Variants in SOX5 observed in about 807,000 individuals in gnomAD.
The protein encoded by SOX5 is SRY-box transcription factor 5.
A neutral mutation model predicts 92.0 loss-of-function variants in SOX5; 9 were observed. The ratio of observed to expected loss-of-function variants is 0.10; its 90% CI spans 0.06 to 0.17. The LOEUF is 0.17. SOX5 is among the 10% of genes least tolerant of loss of function. The pLI, the probability that SOX5 is intolerant of heterozygous loss-of-function variation, is 1.00. For synonymous variants in SOX5, 344 were observed against 336.3 expected (o/e 1.02, Z -0.25); for missense variants, 642 against 944.5 (o/e 0.68, Z 4.20).
intron 1 of SOX5, among the ~76,000 whole-genome samples, chr12:24,412,502 T>C (rs768504364): frequency 6.6e-6 from 1 of 152,158 alleles, no homozygotes; most frequent in Admixed American, 6.5e-5. Context: ...TTCAGTTCAA[T>C]ATATTTATGT....
At chr12:24,538,114 C>T (rs1274286999) in intron 1 of SOX5, among the ~76,000 whole-genome samples, 2 of 152,166 alleles carry the variant, frequency 1.3e-5, no homozygotes, top group African/African-American at 2.4e-5. Context: ...ACATTGCAGT[C>T]GCTGCCCTGA....
intron 4 of SOX5, among the ~76,000 whole-genome samples, chr12:24,210,761 T>C (rs1958521832): frequency 1.3e-5 from 2 of 152,240 alleles, no homozygotes; most frequent in Non-Finnish European, 2.9e-5. Context: ...AGGATAGCTG[T>C]ATTATCTAAC....
At chr12:23,889,908 T>G (rs1333033134) in intron 2 of SOX5, among the ~76,000 whole-genome samples, 1 of 152,140 alleles carries the variant, frequency 6.6e-6, no homozygotes, top group Admixed American at 6.6e-5. Context: ...AATTAGATAC[T>G]AGTAACATAT....
At chr12:24,268,082 T>C (rs1383311645) in intron 3 of SOX5, among the ~76,000 whole-genome samples, 1 of 152,196 alleles carries the variant, frequency 6.6e-6, no homozygotes. Flanking sequence ...GCATTTCTAC[T>C]GAGATGGCAT....
intron 1 of SOX5, among the ~76,000 whole-genome samples, chr12:24,456,541 C>T (rs1943039733): frequency 6.6e-6 from 1 of 152,156 alleles, no homozygotes; most frequent in South Asian, 2.1e-4. Context: ...AGGATCTTCA[C>T]ATGTTATCTT....
At chr12:24,111,291 G>A (rs1320065892) in intron 4 of SOX5, among the ~76,000 whole-genome samples, 2 of 152,066 alleles carry the variant, frequency 1.3e-5, no homozygotes, top group Admixed American at 6.5e-5. Flanking sequence ...ACCTGTCAAA[G>A]GGCAAAGATG....
intron 1 of SOX5, among the ~76,000 whole-genome samples, chr12:24,549,549 G>C (rs1952950900): frequency 6.6e-6 from 1 of 152,206 alleles, no homozygotes; most frequent in Non-Finnish European, 1.5e-5. Flanking sequence ...GACAGGGCCA[G>C]GTGTCAGAAG....
chr12:23,623,266 T>G (rs1016275523), intron 8 of SOX5, among the ~76,000 whole-genome samples: 2 of 152,154 alleles, frequency 1.3e-5, no homozygotes, highest in African/African-American at 4.8e-5. Context: ...CATAAAGCAT[T>G]TAAGTATTAT....
At chr12:24,278,268 T>G (rs1304868816) in intron 2 of SOX5, among the ~76,000 whole-genome samples, 5 of 152,298 alleles carry the variant, frequency 3.3e-5, no homozygotes, top group African/African-American at 1.2e-4. Context: ...ATAGAAGCAT[T>G]TTACTCCATT....
chr12:24,367,075 T>C lies in SOX5; in HGVS notation c.-174+1488A>G, dbSNP rs755102675. Among the ~76,000 whole-genome samples, 45 of 152,202 alleles carry C rather than the reference T, an allele frequency of 3.0e-4. 1 individual carries two copies. The highest frequency in any genetic ancestry group is 8.8e-5 in the Non-Finnish European group (6 of 68,012). On this transcript the variant is annotated intron_variant, in intron 2 of 4. Coordinates refer to the SOX5 transcript ENST00000446891. ...AAAATCCATTTTGCTTAAGTATCTT[T>C]AGCAGATATTAGTAGGAAATAATTT... is the stretch of plus-strand genomic sequence containing the variant.
At chr12:24,321,381 A>T (rs1274997608) in intron 2 of SOX5, among the ~76,000 whole-genome samples, 2 of 152,242 alleles carry the variant, frequency 1.3e-5, no homozygotes, top group African/African-American at 4.8e-5. Context: ...CAAATTTTTA[A>T]AACTAAACAT....
chr12:24,171,904 A>G (rs1361372654), intron 4 of SOX5, among the ~76,000 whole-genome samples: 1 of 152,130 alleles, frequency 6.6e-6, no homozygotes, highest in East Asian at 1.9e-4. Context: ...ATTTTCACAG[A>G]GAAAGTGGCA....
At chr12:24,137,456 C>A (rs1272892194) in intron 4 of SOX5, among the ~76,000 whole-genome samples, 4 of 152,050 alleles carry the variant, frequency 2.6e-5, no homozygotes, top group African/African-American at 9.7e-5. Context: ...TGTGATGAAA[C>A]CCCGTCTCTA....
intron 14 of SOX5, among the ~76,000 whole-genome samples, chr12:23,535,782 AAACT>A (rs1940275424): frequency 6.6e-6 from 1 of 152,330 alleles, no homozygotes; most frequent in African/African-American, 2.4e-5. Context: ...AAGCTCTTAG[AAACT>A]AACTTCTGTT....
intron 2 of SOX5, among the ~76,000 whole-genome samples, chr12:24,294,053 C>T (rs1300647452): frequency 6.6e-6 from 1 of 152,188 alleles, no homozygotes; most frequent in Admixed American, 6.5e-5. Flanking sequence ...GAAGTCGCTG[C>T]TGCAAAAGCA....
chr12:24,101,639 G>A (rs1033198943), intron 4 of SOX5, among the ~76,000 whole-genome samples: 4 of 152,012 alleles, frequency 2.6e-5, no homozygotes, highest in Admixed American at 1.3e-4. Context: ...TTCACCAGCA[G>A]AAAAAATAAG....
chr12:24,389,046 G>A (rs1958707133), intron 1 of SOX5, among the ~76,000 whole-genome samples: 1 of 152,004 alleles, frequency 6.6e-6, no homozygotes, highest in African/African-American at 2.4e-5. Context: ...ATGCTGGTGT[G>A]CTGCACCCAT....
At chr12:23,695,940 CAA>C (rs71059917) in intron 6 of SOX5, among the ~76,000 whole-genome samples, 258 of 11,824 alleles carry the variant, frequency 0.022, no homozygotes, top group African/African-American at 0.068. Flanking sequence ...GACTCTGTCT[CAA>C]AAAAAAAAAA....
intron 1 of SOX5, among the ~76,000 whole-genome samples, chr12:24,523,888 C>A (rs1434503482): frequency 6.6e-6 from 1 of 152,148 alleles, no homozygotes; most frequent in Non-Finnish European, 1.5e-5. Flanking sequence ...GTAAAATAGA[C>A]AAGTGGGACT....
Sources: allele counts gnomAD v4.1 joint callset (sites outside exome capture counted in the v4.1 genomes callset), GRCh38; gene constraint gnomAD v4.1.1; transcripts MANE v1.5; gene names NCBI Gene and HGNC (gene_info 2026-07-23, HGNC 2026-07-21).